Variants in ACSBG2 observed in about 807,000 individuals in gnomAD.
ACSBG2 encodes acyl-CoA synthetase bubblegum family member 2, also known as long-chain-fatty-acid--CoA ligase ACSBG2.
In ACSBG2, 62 loss-of-function variants were observed where a neutral mutation model predicts 74.7. That is an observed-to-expected ratio of 0.83 (90% CI 0.68 to 1.03). The LOEUF is 1.03. Among genes scored for constraint, ACSBG2 ranks in the 50% least tolerant of loss-of-function variants. The probability of loss-of-function intolerance (pLI) is 0.00; values close to 1 mark genes in which losing one functional copy is unlikely to be tolerated. For missense variants in ACSBG2, 730 were observed against 817.6 expected (o/e 0.89, Z 1.31); for synonymous variants, 309 against 294.1 (o/e 1.05, Z -0.52).
Position 6,174,808 on chromosome 19 carries a change from G to A in ACSBG2, c.739-2421G>A, listed in dbSNP as rs748071588. Among the ~76,000 whole-genome samples the A allele has an allele frequency of 2.1e-4, 32 of 151,740 alleles. No individual in the cohort carries two copies. Among genetic ancestry groups the A allele is most frequent in the Non-Finnish European group, 1.3e-4 (9 of 68,032 alleles). On this transcript the variant is annotated intron_variant, in intron 7 of 14. Transcript: ENST00000588485. The surrounding 1 kb of genome is among the most constrained non-coding windows in gnomAD (Gnocchi z 4.2). ...AGCCTGGGTGACAGAGTGAGGCCCT[G>A]TCTCATCATCATCTTTACAGCAAGA...
Position 6,146,801 on chromosome 19 carries a change from A to T in ACSBG2, c.68-645A>T, listed in dbSNP as rs140858548. On this transcript the variant is annotated intron_variant, in intron 2 of 14. Coordinates refer to ENST00000588485, the MANE Select transcript of ACSBG2 (RefSeq NM_030924.5). ...ACAAAACAAAACAAAATAATAATAAAAAAAATAAGATGGGGCCAGGTGCGG... is the reference window on the plus strand; with the variant it reads ...ACAAAACAAAACAAAATAATAATAATAAAAATAAGATGGGGCCAGGTGCGG... 1.1e-3 allele frequency among the ~76,000 whole-genome samples: 162 copies of T among 151,396 alleles called. 1 individual carries two copies. The highest frequency in any genetic ancestry group is 3.7e-3 in the African/African-American group (154 of 41,264).
At chr19:6,144,699 C>CT (rs1259906205) in intron 2 of ACSBG2, among the ~76,000 whole-genome samples, 9 of 150,564 alleles carry the variant, frequency 6.0e-5, no homozygotes, top group Non-Finnish European at 1.2e-4. Flanking sequence ...TTTTCTTTTT[C>CT]TTTTTTTTTC....
intron 5 of ACSBG2, among the ~76,000 whole-genome samples, chr19:6,157,706 C>T (rs1045172644): frequency 7.2e-5 from 11 of 151,886 alleles, no homozygotes; most frequent in Non-Finnish European, 1.5e-5. Context: ...CATGAGCCCC[C>T]ATGCCCAACC....
intron 13 of ACSBG2, among the ~76,000 whole-genome samples, chr19:6,188,619 C>T (rs2145282555): frequency 6.6e-6 from 1 of 152,202 alleles, no homozygotes; most frequent in African/African-American, 2.4e-5. Flanking sequence ...TGCAGTGAGA[C>T]CCTGTCTCAA....
intron 11 of ACSBG2, among the ~76,000 whole-genome samples, chr19:6,186,084 A>C (rs2090398701): frequency 6.7e-6 from 1 of 150,012 alleles, no homozygotes; most frequent in African/African-American, 2.5e-5. Context: ...ACTCAAACTC[A>C]TTCAAGCTGG....
At chr19:6,166,160 C>A in intron 7 of ACSBG2, 145 bp downstream of exon 7, 1 of 1,027,058 alleles carries the variant, frequency 9.7e-7, no homozygotes, top group Non-Finnish European at 1.4e-6. Flanking sequence ...AGTTGCTTCA[C>A]TAGGGGGCAG....
intron 2 of ACSBG2, among the ~76,000 whole-genome samples, chr19:6,142,878 G>T (rs1215361989): frequency 6.6e-6 from 1 of 152,072 alleles, no homozygotes; most frequent in Non-Finnish European, 1.5e-5. Context: ...ACACAAAGGA[G>T]TTTGGGGATG....
In ACSBG2 at chr19:6,184,866, A is replaced by C. The variant is rs866109198; in HGVS notation, c.1323-570A>C. Among the ~76,000 whole-genome samples the C allele has an allele frequency of 7.7e-3, 1,076 of 139,498 alleles. 17 individuals are homozygous for C. Among genetic ancestry groups the C allele is most frequent in the African/African-American group, 0.028 (980 of 34,970 alleles). The allele number at this position is 139,498 out of a possible 152,430, so 91.5% of individuals were successfully genotyped here. Reference sequence around the variant, plus strand: ...AAAAAAAAAAAAAAAAAAAAAAAAAAAAAAAACGAAAAACAGCCTGCAATG... The same window carrying C: ...AAAAAAAAAAAAAAAAAAAAAAAAACAAAAAACGAAAAACAGCCTGCAATG... On this transcript the variant is annotated intron_variant, in intron 10 of 14. Transcript: ENST00000588485.
chr19:6,186,972 C>T (rs911015158), intron 11 of ACSBG2, among the ~76,000 whole-genome samples: 3 of 150,432 alleles, frequency 2.0e-5, no homozygotes, highest in African/African-American at 7.4e-5. Context: ...GGCAGGATTA[C>T]AGGTGTGAGC....
chr19:6,148,687 T>C (rs563542962), intron 3 of ACSBG2, among the ~76,000 whole-genome samples: 2 of 152,074 alleles, frequency 1.3e-5, no homozygotes, highest in African/African-American at 4.8e-5. Flanking sequence ...TGGGCTGGGT[T>C]TCTTCTTGGG....
chr19:6,176,502 A>C, intron 7 of ACSBG2: 1 of 846,348 alleles, frequency 1.2e-6, no homozygotes. Flanking sequence ...AACAACACAC[A>C]CACACACACG....
intron 13 of ACSBG2, 151 bp downstream of exon 13, chr19:6,187,996 C>T: frequency 8.8e-7 from 1 of 1,135,110 alleles, no homozygotes; most frequent in East Asian, 2.4e-5. Context: ...GCTAACTGGT[C>T]CCCAGCTCCT....
intron 2 of ACSBG2, among the ~76,000 whole-genome samples, chr19:6,146,338 C>G (rs959638863): frequency 6.6e-6 from 1 of 151,732 alleles, no homozygotes; most frequent in African/African-American, 2.4e-5. Flanking sequence ...GATGTGGTGG[C>G]GGGTGCCTGT....
At chr19:6,182,556 T>A (rs1600122442) in intron 8 of ACSBG2, among the ~76,000 whole-genome samples, 195 bp from the exon 9 acceptor site, 1 of 152,298 alleles carries the variant, frequency 6.6e-6, no homozygotes, top group East Asian at 1.9e-4. Flanking sequence ...ATGCCTCTCA[T>A]CAAATCCCTA....
intron 5 of ACSBG2, among the ~76,000 whole-genome samples, chr19:6,160,389 C>CAAAA (rs1007071793): frequency 1.7e-5 from 1 of 59,642 alleles, no homozygotes; most frequent in African/African-American, 6.1e-5. Context: ...GACTCCGTCT[C>CAAAA]AAAAAAAAAA....
intron 8 of ACSBG2, 112 bp from the exon 9 acceptor site, chr19:6,182,639 T>C: frequency 9.5e-7 from 1 of 1,054,370 alleles, no homozygotes; most frequent in Non-Finnish European, 1.4e-6. Context: ...TCCTGCGTAA[T>C]CTGATCAGTG....
intron 7 of ACSBG2, chr19:6,176,265 C>A (rs753252161): frequency 6.0e-6 from 8 of 1,336,634 alleles, no homozygotes; most frequent in African/African-American, 1.5e-5. Flanking sequence ...CAGGTCCTTA[C>A]TCGATCTTAC....
intron 11 of ACSBG2, among the ~76,000 whole-genome samples, chr19:6,185,855 T>A (rs2090391338): frequency 6.6e-6 from 1 of 152,174 alleles, no homozygotes; most frequent in East Asian, 1.9e-4. Flanking sequence ...TATCCCGTGG[T>A]CCACCCTCAG....
Position 6,185,673 on chromosome 19 carries a change from T to C in ACSBG2, c.1540+20T>C. ...TCAAAGGTACCAGGGGCTGAGCTCT[T>C]TGGGAATCTCCTGCAAGCAGGCCCA... On this transcript the variant is annotated intron_variant, in intron 11 of 14. Coordinates refer to ENST00000588485, the MANE Select transcript of ACSBG2 (RefSeq NM_030924.5). 6.2e-7 allele frequency: 1 copy of C among 1,613,118 alleles called. No homozygotes were observed. The highest frequency in any genetic ancestry group is 8.5e-7 in the Non-Finnish European group (1 of 1,179,490).
Sources: allele counts gnomAD v4.1 joint callset (sites outside exome capture counted in the v4.1 genomes callset), GRCh38; gene constraint gnomAD v4.1.1; non-coding constraint Gnocchi (gnomAD v3.1); transcripts MANE v1.5; gene names NCBI Gene and HGNC (gene_info 2026-07-23, HGNC 2026-07-21).